FAM234B: variants seen among roughly 807,000 people sequenced by gnomAD.
FAM234B encodes the protein protein FAM234B.
A neutral mutation model predicts 69.3 loss-of-function variants in FAM234B; 33 were observed. The ratio of observed to expected loss-of-function variants is 0.48; its 90% CI spans 0.36 to 0.64. The LOEUF (loss-of-function observed/expected upper bound fraction) is 0.64, where lower values mean the gene tolerates loss of function less well. FAM234B is among the 30% of genes least tolerant of loss of function. FAM234B has a pLI of 0.00. For missense variants in FAM234B, 697 were observed against 769.7 expected (o/e 0.91, Z 1.12); for synonymous variants, 306 against 306.9 (o/e 1.00, Z 0.03).
At chr12:13,047,549 G>GC (rs1315998486) in intron 1 of FAM234B, among the ~76,000 whole-genome samples, 1 of 152,138 alleles carries the variant, frequency 6.6e-6, no homozygotes, top group African/African-American at 2.4e-5. Flanking sequence ...TGGTATAGTT[G>GC]CATCACTTTC....
At chr12:13,060,221 C>T (rs1457304584) in intron 3 of FAM234B, among the ~76,000 whole-genome samples, 1 of 152,134 alleles carries the variant, frequency 6.6e-6, no homozygotes, top group African/African-American at 2.4e-5. Context: ...TGTCCTTGAC[C>T]CTCATGCCAA....
In FAM234B at chr12:13,069,993, G is replaced by A. The variant is rs964880363; in HGVS notation, c.1369-1248G>A. On this transcript the variant is annotated intron_variant, in intron 9 of 12. Coordinates refer to ENST00000197268, the MANE Select transcript of FAM234B (RefSeq NM_020853.2). ...GGTATAGTAGGTTGAAGGTGGAGAT[G>A]CTGAGTTTCAGCCCTGGGTTTTAAT... Among the ~76,000 whole-genome samples, 3 of 151,946 alleles carry A rather than the reference G, an allele frequency of 2.0e-5. No individual in the cohort carries two copies. The South Asian group carries it at 6.2e-4, about 32-fold the overall frequency.
chr12:13,055,995 T>C (rs778554459), intron 2 of FAM234B, 49 bp downstream of exon 2: 12 of 1,472,202 alleles, frequency 8.2e-6, no homozygotes, highest in Non-Finnish European at 1.1e-5. Context: ...TCATGCTATG[T>C]CTGATTACAT....
chr12:13,044,918 G>A lies in FAM234B; in HGVS notation c.37+478G>A, dbSNP rs1864789654. Among the ~76,000 whole-genome samples, 1 of 152,208 alleles carries A rather than the reference G, an allele frequency of 6.6e-6. No homozygotes were observed. The highest frequency in any genetic ancestry group is 2.4e-5 in the African/African-American group (1 of 41,450). On this transcript the variant is annotated intron_variant, in intron 1 of 12. Coordinates refer to ENST00000197268, the MANE Select transcript of FAM234B (RefSeq NM_020853.2). This position sits in a 1 kb window ranked among gnomAD's most constrained non-coding sequence, Gnocchi z 5.6. ...CGCATCCATGAGGCAGGTGGGACAG[G>A]TATTTACGTCCCTTCCTAGTTTACA... is the stretch of plus-strand genomic sequence containing the variant.
chr12:13,045,171 C>T (rs1464592765), intron 1 of FAM234B, among the ~76,000 whole-genome samples: 1 of 151,152 alleles, frequency 6.6e-6, no homozygotes, highest in African/African-American at 2.4e-5. Flanking sequence ...GTGATGACAA[C>T]TTCCAGAGCT....
At chr12:13,064,828 A>G (rs1165809821) in intron 5 of FAM234B, among the ~76,000 whole-genome samples, 1 of 152,186 alleles carries the variant, frequency 6.6e-6, no homozygotes, top group Non-Finnish European at 1.5e-5. Context: ...TCTCTTCACA[A>G]GGAAGGAAAC....
At position 13,044,652 on chromosome 12, in the gene FAM234B, C is replaced by G. The variant is rs1357044750; in HGVS notation, c.37+212C>G. ...CCCAGCGGGGCAGGGGTCTCGGGCG[C>G]GGGGCGAACCCGGAGACGCGCGGGG... On this transcript the variant is annotated intron_variant, in intron 1 of 12. Transcript: ENST00000197268. This position sits in a 1 kb window ranked among gnomAD's most constrained non-coding sequence, Gnocchi z 5.6. Among the ~76,000 whole-genome samples, 1 of 152,176 alleles carries G rather than the reference C, an allele frequency of 6.6e-6. No homozygotes were observed. Among genetic ancestry groups the G allele is most frequent in the Non-Finnish European group, 1.5e-5 (1 of 68,018 alleles).
chr12:13,047,485 T>C (rs977356610), intron 1 of FAM234B, among the ~76,000 whole-genome samples: 15 of 152,190 alleles, frequency 9.9e-5, no homozygotes, highest in African/African-American at 3.4e-4. Flanking sequence ...TATAGTATAG[T>C]ATATGTTATA....
intron 9 of FAM234B, among the ~76,000 whole-genome samples, chr12:13,069,111 A>C (rs542917983): frequency 6.6e-5 from 10 of 152,230 alleles, no homozygotes; most frequent in Non-Finnish European, 1.2e-4. Context: ...GGGAAATATA[A>C]GCAGCTTTTT....
At chr12:13,077,272 A>T (rs1291398442) in intron 11 of FAM234B, among the ~76,000 whole-genome samples, 2 of 151,862 alleles carry the variant, frequency 1.3e-5, no homozygotes, top group African/African-American at 4.8e-5. Flanking sequence ...CATTTTTTAA[A>T]TTTTATTATT....
chr12:13,046,579 A>G (rs1350493603), intron 1 of FAM234B, among the ~76,000 whole-genome samples: 2 of 146,670 alleles, frequency 1.4e-5, no homozygotes, highest in Admixed American at 6.8e-5. Flanking sequence ...TCCTGCCTCA[A>G]CCTCCCGAGT....
intron 1 of FAM234B, among the ~76,000 whole-genome samples, chr12:13,046,868 C>T (rs1864818662): frequency 6.6e-6 from 1 of 152,232 alleles, no homozygotes; most frequent in Non-Finnish European, 1.5e-5. Flanking sequence ...GTTACTTAAT[C>T]TCTTTAAGCT....
chr12:13,071,211 C>A (rs1865101662), intron 9 of FAM234B, 30 bp from the exon 10 acceptor site: 1 of 1,610,978 alleles, frequency 6.2e-7, no homozygotes, highest in East Asian at 2.2e-5. Context: ...GAGGCCTGGC[C>A]ATGTTTACTG....
chr12:13,054,119 T>C (rs994800347), intron 1 of FAM234B, among the ~76,000 whole-genome samples: 1 of 152,224 alleles, frequency 6.6e-6, no homozygotes, highest in African/African-American at 2.4e-5. Flanking sequence ...CGTTTTACAA[T>C]CAATTTGTAC....
chr12:13,062,970 T>C lies in FAM234B; in HGVS notation c.847T>C (p.Leu283=). The C allele has an allele frequency of 6.2e-7, 1 of 1,613,916 alleles. No individual in the cohort carries two copies. Among genetic ancestry groups the C allele is most frequent in the Non-Finnish European group, 8.5e-7 (1 of 1,179,846 alleles). Residue 283 remains leucine (L), a synonymous_variant, in exon 5 of 13, where the codon TTG becomes CTG. Transcript: ENST00000197268. ...RDLVVLAIGE[L]QPDLCFLLVS... The stretch of plus-strand genomic sequence containing the variant: ...CCTTGTGGTTCTGGCCATTGGGGAA[T>C]TGCAGGTATGATCTCTATTAAATGT...
chr12:13,049,720 T>C (rs1002905494), intron 1 of FAM234B, among the ~76,000 whole-genome samples: 4 of 152,254 alleles, frequency 2.6e-5, no homozygotes, highest in Non-Finnish European at 4.4e-5. Flanking sequence ...ACGATTTTCC[T>C]AAATTTCTCA....
chr12:13,056,767 A>G (rs1438287679), intron 2 of FAM234B, among the ~76,000 whole-genome samples: 1 of 152,210 alleles, frequency 6.6e-6, no homozygotes, highest in Non-Finnish European at 1.5e-5. Context: ...GAAATAGAAC[A>G]TCATTGAGAC....
chr12:13,064,558 C>T (rs532461733), intron 5 of FAM234B, among the ~76,000 whole-genome samples: 1 of 152,304 alleles, frequency 6.6e-6, no homozygotes, highest in Non-Finnish European at 1.5e-5. Flanking sequence ...CTTGCCCACT[C>T]TTACTCTGTG....
rs1192650010 is a variant in FAM234B at position 13,067,772 on chromosome 12, C to T, written c.1142+476C>T. ...ATGCAGGGGATTTTACCCATTTAAC[C>T]CCAAGCCTGGCTAATAATTGTTTCA... On this transcript the variant is annotated intron_variant, in intron 7 of 12. Coordinates refer to ENST00000197268, the MANE Select transcript of FAM234B (RefSeq NM_020853.2). The surrounding 1 kb of genome is among the most constrained non-coding windows in gnomAD (Gnocchi z 4.7). Among the ~76,000 whole-genome samples the T allele has an allele frequency of 6.6e-6, 1 of 152,130 alleles. No individual in the cohort carries two copies. The highest frequency in any genetic ancestry group is 2.4e-5 in the African/African-American group (1 of 41,418).
Sources: gnomAD v4.1 joint callset for allele counts (sites outside exome capture counted in the v4.1 genomes callset) on GRCh38, gnomAD v4.1.1 for gene constraint, Gnocchi (gnomAD v3.1) non-coding constraint, MANE v1.5 for transcripts, NCBI Gene and HGNC (gene_info 2026-07-23, HGNC 2026-07-21) for gene names.